Variants in SIPA1L1 observed in about 807,000 individuals in gnomAD.
SIPA1L1 encodes the protein signal-induced proliferation-associated 1-like protein 1.
SIPA1L1 carries 26 observed loss-of-function variants against 162.7 expected under a neutral mutation model. The observed-to-expected ratio is 0.16, with a 90% CI of 0.12 to 0.22. The LOEUF is 0.22. Among genes scored for constraint, SIPA1L1 ranks in the 10% least tolerant of loss-of-function variants. The pLI is 1.00. For missense variants in SIPA1L1, 1,874 were observed against 2,241.0 expected, an observed-to-expected ratio of 0.84 and a Z score of 3.31; for synonymous variants, 829 against 837.4, an observed-to-expected ratio of 0.99 and a Z score of 0.17.
chr14:71,351,183 A>G (rs983152127), intron 2 of SIPA1L1, among the ~76,000 whole-genome samples: 25 of 152,246 alleles, frequency 1.6e-4, no homozygotes, highest in Admixed American at 1.2e-3. Context: ...GTATAATTAC[A>G]TAAACAGATA....
At chr14:71,513,918 ACTT>A (rs1484613625) in intron 3 of SIPA1L1, among the ~76,000 whole-genome samples, 20 of 152,148 alleles carry the variant, frequency 1.3e-4, no homozygotes, top group African/African-American at 4.8e-4. Flanking sequence ...ATGACGCAGA[ACTT>A]CTTCCTTGGG....
Position 71,589,297 on chromosome 14 carries a change from T to C in SIPA1L1, c.1425T>C (p.Asp475=), listed in dbSNP as rs2034965208. Residue 475 remains aspartate (D), a synonymous_variant, in exon 5 of 24, where the codon GAT becomes GAC. Transcript: ENST00000381232. Reference sequence around the variant, plus strand: ...AGGAGAACTTGGTGTTGCACCTAGATAGAGTGAAAAGATACATCGTGGAAC... The same window carrying C: ...AGGAGAACTTGGTGTTGCACCTAGACAGAGTGAAAAGATACATCGTGGAAC... The part of the protein sequence containing the change: ...VPKENLVLHL[D]RVKRYIVEHV... The C allele has an allele frequency of 8.1e-6, 13 of 1,613,918 alleles. No homozygotes were observed. Among genetic ancestry groups the C allele is most frequent in the Non-Finnish European group, 1.1e-5 (13 of 1,179,856 alleles).
chr14:71,684,251 G>A (rs1256779431), intron 12 of SIPA1L1, among the ~76,000 whole-genome samples: 2 of 152,208 alleles, frequency 1.3e-5, no homozygotes, highest in South Asian at 4.1e-4. Context: ...GGGAGAAGAT[G>A]CATTATGGAA....
intron 2 of SIPA1L1, among the ~76,000 whole-genome samples, chr14:71,444,547 C>T (rs2045197233): frequency 6.6e-6 from 1 of 152,118 alleles, no homozygotes; most frequent in Admixed American, 6.6e-5. Flanking sequence ...ATCTACAGTT[C>T]CCAGATTGGC....
intron 22 of SIPA1L1, 105 bp downstream of exon 22, chr14:71,735,496 G>A (rs1398275162): frequency 1.1e-5 from 8 of 744,664 alleles, no homozygotes; most frequent in African/African-American, 1.7e-5. Context: ...GCTGAGTGAA[G>A]CTGATCACTG....
intron 2 of SIPA1L1, among the ~76,000 whole-genome samples, chr14:71,370,869 T>C: frequency 6.6e-6 from 1 of 152,296 alleles, no homozygotes; most frequent in East Asian, 1.9e-4. Flanking sequence ...TATTTGTATA[T>C]CTTGTTTTTA....
intron 2 of SIPA1L1, among the ~76,000 whole-genome samples, chr14:71,458,268 A>G (rs1595564495): frequency 2.0e-5 from 3 of 152,338 alleles, no homozygotes; most frequent in African/African-American, 7.2e-5. Flanking sequence ...CTTCAATTTT[A>G]TAAATGAGGA....
intron 2 of SIPA1L1, among the ~76,000 whole-genome samples, chr14:71,422,763 A>G (rs1254074265): frequency 1.3e-5 from 2 of 152,224 alleles, no homozygotes; most frequent in Non-Finnish European, 2.9e-5. Flanking sequence ...CCTTTTAGCT[A>G]TTGTGAAGAA....
At chr14:71,610,237 A>G (rs1396796282) in intron 5 of SIPA1L1, among the ~76,000 whole-genome samples, 2 of 152,190 alleles carry the variant, frequency 1.3e-5, no homozygotes, top group East Asian at 1.9e-4. Context: ...AAAAATAAAG[A>G]TGCATTTTTT....
At chr14:71,685,254 G>T in intron 12 of SIPA1L1, 108 bp from the exon 13 acceptor site, 2 of 1,222,290 alleles carry the variant, frequency 1.6e-6, no homozygotes, top group Non-Finnish European at 2.3e-6. Context: ...TTGAAACAGA[G>T]GGTGAAATTG....
rs775854018 is a variant in SIPA1L1, at chr14:71,723,886, A to T, written c.4448A>T (p.Lys1483Met). ...TCCGTGGGATTTATGGACACGAGAA[A>T]GTAAGAGTTACTTTCCTTCCCTTGC... ...INSVGFMDTR[K>M]RHQSDGNEIA... The change falls in exon 18 of 24, where the codon AAG (lysine) becomes ATG (methionine). Residue 1483 changes from lysine to methionine, a missense_variant and splice_region_variant. Transcript: ENST00000381232. 6 of 1,614,128 alleles carry T rather than the reference A, an allele frequency of 3.7e-6. No homozygotes were observed.
At chr14:71,344,695 G>T (rs1210802228) in intron 2 of SIPA1L1, among the ~76,000 whole-genome samples, 1 of 152,130 alleles carries the variant, frequency 6.6e-6, no homozygotes, top group Non-Finnish European at 1.5e-5. Context: ...GAGTTGCTGG[G>T]ACTGTAGGTG....
intron 4 of SIPA1L1, among the ~76,000 whole-genome samples, chr14:71,569,407 A>G (rs1320120412): frequency 6.6e-6 from 1 of 152,202 alleles, no homozygotes; most frequent in African/African-American, 2.4e-5. Context: ...TCCTTTCCCT[A>G]ACCATAGTGT....
rs184369536 is a variant in SIPA1L1, at chr14:71,396,123, A to T, written c.-465+74942A>T. ...TCTGTATGCATGGTCCAGATCATTT[A>T]AAAAAAAAAATCCTTCCGCCATCTA... On this transcript the variant is annotated intron_variant, in intron 2 of 23. Transcript: ENST00000381232. Among the ~76,000 whole-genome samples the T allele has an allele frequency of 2.0e-3, 299 of 147,616 alleles. 5 individuals are homozygous for T. Among genetic ancestry groups the T allele is most frequent in the East Asian group, 7.8e-4 (4 of 5,116 alleles).
Position 71,588,783 on chromosome 14 carries a change from G to T in SIPA1L1, c.911G>T (p.Gly304Val). The T allele has an allele frequency of 6.2e-7, 1 of 1,614,084 alleles. No individual in the cohort carries two copies. The highest frequency in any genetic ancestry group is 1.3e-5 in the African/African-American group (1 of 75,046). ...SIFRKLRNAK[G>V]EELGKSSDLE... ...TTTCGTAAATTGCGCAATGCCAAAGGTGAAGAACTTGGGAAGTCATCAGAT... is the reference window on the plus strand; with the variant it reads ...TTTCGTAAATTGCGCAATGCCAAAGTTGAAGAACTTGGGAAGTCATCAGAT... The change falls in exon 5 of 24, where the codon GGT becomes GTT. Residue 304 changes from glycine to valine, a missense_variant. Physicochemically the swap from Gly to Val is moderately radical, Grantham distance 109. Coordinates refer to ENST00000381232, the MANE Select transcript of SIPA1L1 (RefSeq NM_001386936.1). This position sits in a 1 kb window ranked among gnomAD's most constrained non-coding sequence, Gnocchi z 4.3.
chr14:71,494,523 C>CTTTT (rs201797447), intron 2 of SIPA1L1, among the ~76,000 whole-genome samples: 6 of 126,710 alleles, frequency 4.7e-5, no homozygotes, highest in African/African-American at 8.6e-5. Flanking sequence ...CTTTTCTTTT[C>CTTTT]TTTTTTTTTT....
At chr14:71,552,608 A>G (rs896038004) in intron 4 of SIPA1L1, among the ~76,000 whole-genome samples, 2 of 151,862 alleles carry the variant, frequency 1.3e-5, no homozygotes, top group East Asian at 1.9e-4. Context: ...GTGTTAGCCA[A>G]GATGGTCTCG....
intron 10 of SIPA1L1, among the ~76,000 whole-genome samples, chr14:71,662,718 G>A (rs992850668): frequency 1.3e-5 from 2 of 152,306 alleles, no homozygotes; most frequent in South Asian, 4.1e-4. Flanking sequence ...CCCAAGACCA[G>A]GGAGGTCTGT....
intron 13 of SIPA1L1, among the ~76,000 whole-genome samples, chr14:71,687,005 CA>C (rs565731496): frequency 3.1e-4 from 47 of 152,234 alleles, no homozygotes; most frequent in Non-Finnish European, 6.5e-4. Context: ...TTAGAAACCA[CA>C]CTATGAAGTC....
Sources: gnomAD v4.1 joint callset for allele counts (sites outside exome capture counted in the v4.1 genomes callset) on GRCh38, gnomAD v4.1.1 for gene constraint, Gnocchi (gnomAD v3.1) non-coding constraint, MANE v1.5 for transcripts, NCBI Gene and HGNC (gene_info 2026-07-23, HGNC 2026-07-21) for gene names.